Variants in ZP4 observed in about 807,000 individuals in gnomAD.
The protein encoded by ZP4 is zona pellucida glycoprotein 4, also known as zona pellucida sperm-binding protein 4.
A neutral mutation model predicts 62.3 loss-of-function variants in ZP4; 62 were observed. The observed-to-expected ratio is 0.99, with a 90% CI of 0.81 to 1.23. The LOEUF is 1.23. Ranked by LOEUF, ZP4 falls within the 50% of genes most tolerant of loss-of-function variation. ZP4 has a pLI of 0.00. For synonymous variants in ZP4, 289 were observed against 247.3 expected, an observed-to-expected ratio of 1.17 and a Z score of -1.58; for missense variants, 774 against 656.0, an observed-to-expected ratio of 1.18 and a Z score of -1.97.
Position 237,885,147 on chromosome 1 carries a change from T to G in ZP4, c.1311+18A>C. 6.2e-7 allele frequency: 1 copy of G among 1,610,990 alleles called. No homozygotes were observed. Among genetic ancestry groups the G allele is most frequent in the South Asian group, 1.1e-5 (1 of 90,646 alleles). ...AGGTTCAGAGCCCTGGTGAGTGTCA[T>G]GGAAGGGAACATCCTACCGGTCCCC... On this transcript the variant is annotated intron_variant, in intron 9 of 11. Coordinates refer to ENST00000366570, the MANE Select transcript of ZP4 (RefSeq NM_021186.5).
At chr1:237,889,333 T>G (rs1210251280) in intron 3 of ZP4, among the ~76,000 whole-genome samples, 1 of 146,656 alleles carries the variant, frequency 6.8e-6, no homozygotes, top group East Asian at 1.9e-4. Context: ...TTTTTTTTTT[T>G]TTGAGACAGG....
chr1:237,890,454 A>C lies in ZP4; in HGVS notation c.175+7T>G. 1 of 1,605,132 alleles carries C rather than the reference A, an allele frequency of 6.2e-7. No individual in the cohort carries two copies. Among genetic ancestry groups the C allele is most frequent in the Non-Finnish European group, 8.5e-7 (1 of 1,176,328 alleles). Reference sequence around the variant, plus strand: ...CTTGGCTAAGCAAGGCAAGTCATCAAACTTACCCCAAGCTATTAGTACAGG... The same window carrying C: ...CTTGGCTAAGCAAGGCAAGTCATCACACTTACCCCAAGCTATTAGTACAGG... On this transcript the variant is annotated splice_region_variant and intron_variant, in intron 1 of 11. Transcript: ENST00000366570.
At chr1:237,886,067 A>G (rs1558532785) in intron 6 of ZP4, among the ~76,000 whole-genome samples, 181 bp from the exon 7 acceptor site, 1 of 152,214 alleles carries the variant, frequency 6.6e-6, no homozygotes. Context: ...AGTAGGACCA[A>G]TGTTTGAGTT....
At position 237,890,787 on chromosome 1, in the gene ZP4, G is replaced by A. The variant is rs755591032; in HGVS notation, c.-152C>T. On this transcript the variant is annotated 5_prime_UTR_variant, in exon 1 of 12. Transcript: ENST00000366570. ...ACTCAGGTGGGATGCCTTCAGAAAG[G>A]GGAATTCCTCTAGCCTCATTTGCTT... The A allele has an allele frequency of 8.6e-6, 7 of 811,500 alleles. No homozygotes were observed. The highest frequency in any genetic ancestry group is 1.3e-5 in the Non-Finnish European group (7 of 529,728). 50.3% of individuals were successfully genotyped at this position (811,500 alleles called of 1,614,324 possible).
chr1:237,889,402 T>G (rs1342932151), intron 3 of ZP4, among the ~76,000 whole-genome samples: 2 of 146,970 alleles, frequency 1.4e-5, no homozygotes, highest in African/African-American at 5.0e-5. Flanking sequence ...CACCACAACC[T>G]CAGCCTCCCA....
chr1:237,885,805 A>T lies in ZP4; in HGVS notation c.921T>A (p.Phe307Leu). Residue 307 changes from phenylalanine to leucine, a missense_variant, in exon 7 of 12, where the codon TTT (phenylalanine) becomes TTA (leucine). Transcript: ENST00000366570. Reference protein sequence around the residue: ...NVQVFTLPPPFPETQPGPLTL... With the variant: ...NVQVFTLPPPLPETQPGPLTL... ...TGAGGGGTCCAGGCTGGGTCTCAGGAAAGGGTGGTGGGAGAGTGAAAACCT... is the reference window on the plus strand; with the variant it reads ...TGAGGGGTCCAGGCTGGGTCTCAGGTAAGGGTGGTGGGAGAGTGAAAACCT... 1 of 1,614,152 alleles carries T rather than the reference A, an allele frequency of 6.2e-7. No individual in the cohort carries two copies. Among genetic ancestry groups the T allele is most frequent in the Non-Finnish European group, 8.5e-7 (1 of 1,180,028 alleles).
intron 10 of ZP4, among the ~76,000 whole-genome samples, chr1:237,883,055 A>G (rs1198593263): frequency 6.6e-6 from 1 of 152,180 alleles, no homozygotes; most frequent in East Asian, 1.9e-4. Context: ...TCGTATAAAG[A>G]TGTTAGAAAC....
chr1:237,888,451 A>C lies in ZP4; in HGVS notation c.460T>G (p.Cys154Gly). 1 of 1,612,484 alleles carries C rather than the reference A, an allele frequency of 6.2e-7. No individual in the cohort carries two copies. Among genetic ancestry groups the C allele is most frequent in the Non-Finnish European group, 8.5e-7 (1 of 1,178,986 alleles). Residue 154 changes from cysteine to glycine, a missense_variant, in exon 4 of 12, where the codon TGT (cysteine) becomes GGT (glycine). Cys to Gly is a radical substitution (Grantham distance 159). Coordinates refer to ENST00000366570, the MANE Select transcript of ZP4 (RefSeq NM_021186.5). ...DSIPARDRLP[C>G]APSPISRGDC... ...CCTCGAGAGATGGGTGAAGGTGCACATGGCAGTCTGTCCCGTGCTGGGATG... is the reference window on the plus strand; with the variant it reads ...CCTCGAGAGATGGGTGAAGGTGCACCTGGCAGTCTGTCCCGTGCTGGGATG...
At position 237,884,839 on chromosome 1, in the gene ZP4, C is replaced by A; in HGVS notation, c.1320G>T (p.Leu440=). ...GCTGGCAGACTGACACGCTGCAGTGCAGATGCACCTGGGAGCCAACAGAAT... is the reference window on the plus strand; with the variant it reads ...GCTGGCAGACTGACACGCTGCAGTGAAGATGCACCTGGGAGCCAACAGAAT... ...EKQALRGPVH[L]HCSVSVCQPA... Residue 440 remains leucine (L), a synonymous_variant, in exon 10 of 12, where the codon CTG becomes CTT. Transcript: ENST00000366570. 2 of 1,613,376 alleles carry A rather than the reference C, an allele frequency of 1.2e-6. No homozygotes were observed. Among genetic ancestry groups the A allele is most frequent in the South Asian group, 2.2e-5 (2 of 90,746 alleles).
In ZP4 at chr1:237,889,871, A is replaced by G. The variant is rs1333937689; in HGVS notation, c.396T>C (p.Leu132=). The G allele has an allele frequency of 5.6e-6, 9 of 1,613,550 alleles. No homozygotes were observed. Among genetic ancestry groups the G allele is most frequent in the South Asian group, 1.1e-5 (1 of 91,064 alleles). ...ERKLLKCPMD[L]LARDAPDTDW... ...CTGAGAGCTTCCAGCCTTTACCTAG[A>G]AGATCCATAGGACACTTGAGCAGCT... Residue 132 remains leucine (L), a synonymous_variant, in exon 3 of 12, where the codon CTT becomes CTC. Coordinates refer to ENST00000366570, the MANE Select transcript of ZP4 (RefSeq NM_021186.5).
chr1:237,884,972 C>A, intron 9 of ZP4, 125 bp from the exon 10 acceptor site: 2 of 1,223,258 alleles, frequency 1.6e-6, no homozygotes, highest in Admixed American at 2.1e-5. Context: ...AAGTTGATAT[C>A]ACAATGGCAC....
chr1:237,883,728 G>GCGAGA (rs1558530153), intron 10 of ZP4, among the ~76,000 whole-genome samples: 1 of 19,196 alleles, frequency 5.2e-5, no homozygotes, highest in Non-Finnish European at 9.2e-5. Flanking sequence ...GGAGGGCGGG[G>GCGAGA]GAGGGAGAGA....
At chr1:237,883,406 T>C (rs1664960814) in intron 10 of ZP4, among the ~76,000 whole-genome samples, 1 of 150,806 alleles carries the variant, frequency 6.6e-6, no homozygotes, top group African/African-American at 2.5e-5. Context: ...AACATAAAGA[T>C]CCATCTCTAT....
Position 237,886,782 on chromosome 1 carries a change from G to T in ZP4, c.828C>A (p.Asp276Glu). ...GGCCAAGCCCTTACCTGAAGATGCT[G>T]TCACGAGTGACAGAGCCACGGCTCC... ...KNGSRGSVTRDSIFRLHVSCS... is the reference protein window; with the variant it reads ...KNGSRGSVTRESIFRLHVSCS... Residue 276 changes from aspartate to glutamate, a missense_variant, in exon 6 of 12, where the codon GAC becomes GAA. Physicochemically the swap from Asp to Glu is conservative, Grantham distance 45. Transcript: ENST00000366570. The T allele has an allele frequency of 6.2e-7, 1 of 1,613,954 alleles. No homozygotes were observed. Among genetic ancestry groups the T allele is most frequent in the Admixed American group, 1.7e-5 (1 of 60,008 alleles).
rs766398877 is a variant in ZP4 at position 237,882,447 on chromosome 1, CTCT to C, written c.1595_1597del (p.Lys532del). The C allele has an allele frequency of 6.2e-6, 10 of 1,611,046 alleles. No individual in the cohort carries two copies. The highest frequency in any genetic ancestry group is 8.5e-6 in the Non-Finnish European group (10 of 1,179,424). On this transcript the variant is annotated inframe_deletion, in exon 12 of 12. Coordinates refer to ENST00000366570, the MANE Select transcript of ZP4 (RefSeq NM_021186.5). ...TTATTGACACATTTGGTCTGGGCAACTCTTCTGTTTCTTGACAGCCAAGTAGGA... is the reference window on the plus strand; with the variant it reads ...TTATTGACACATTTGGTCTGGGCAACTCTGTTTCTTGACAGCCAAGTAGGA...
intron 10 of ZP4, among the ~76,000 whole-genome samples, chr1:237,884,013 C>A (rs1252014445): frequency 0.024 from 1,879 of 79,820 alleles, 55 homozygotes; most frequent in Admixed American, 0.029. Flanking sequence ...CACACACACA[C>A]ACAAACACAC....
Position 237,890,682 on chromosome 1 carries a change from C to T in ZP4, c.-47G>A. Reference sequence around the variant, plus strand: ...CGGCTGCAGACTCTCCGCCTCCTCTCCCAAGAGCCGAGGGTCTGCCTGCCC... The same window carrying T: ...CGGCTGCAGACTCTCCGCCTCCTCTTCCAAGAGCCGAGGGTCTGCCTGCCC... On this transcript the variant is annotated 5_prime_UTR_variant, in exon 1 of 12. Transcript: ENST00000366570. 6.3e-7 allele frequency: 1 copy of T among 1,579,700 alleles called. No individual in the cohort carries two copies. Among genetic ancestry groups the T allele is most frequent in the Non-Finnish European group, 8.6e-7 (1 of 1,162,636 alleles).
At chr1:237,884,627 T>G in intron 10 of ZP4, 142 bp downstream of exon 10, 1 of 703,382 alleles carries the variant, frequency 1.4e-6, no homozygotes, top group East Asian at 2.8e-5. Flanking sequence ...CTAGTCATCT[T>G]TGTTCTATGG....
chr1:237,884,975 A>G, intron 9 of ZP4, 128 bp from the exon 10 acceptor site: 1 of 1,220,062 alleles, frequency 8.2e-7, no homozygotes, highest in Non-Finnish European at 1.2e-6. Context: ...TTGATATCAC[A>G]ATGGCACTAA....
Sources: allele counts gnomAD v4.1 joint callset (sites outside exome capture counted in the v4.1 genomes callset), GRCh38; gene constraint gnomAD v4.1.1; transcripts MANE v1.5; gene names NCBI Gene and HGNC (gene_info 2026-07-23, HGNC 2026-07-21).